ALDH1L1: variants seen among roughly 807,000 people sequenced by gnomAD.
The protein encoded by ALDH1L1 is aldehyde dehydrogenase 1 family member L1.
A neutral mutation model predicts 101.1 loss-of-function variants in ALDH1L1; 68 were observed. The ratio of observed to expected loss-of-function variants is 0.67; its 90% CI spans 0.55 to 0.82. The LOEUF is 0.82. ALDH1L1 is among the 40% of genes least tolerant of loss of function. The probability of loss-of-function intolerance (pLI) is 0.00; values close to 1 mark genes in which losing one functional copy is unlikely to be tolerated. For synonymous variants in ALDH1L1, 486 were observed against 470.8 expected, an observed-to-expected ratio of 1.03 and a Z score of -0.42; for missense variants, 1,087 against 1,172.7, an observed-to-expected ratio of 0.93 and a Z score of 1.07.
At chr3:126,106,933 C>A (rs1945894817) in intron 21 of ALDH1L1, among the ~76,000 whole-genome samples, 1 of 152,220 alleles carries the variant, frequency 6.6e-6, no homozygotes, top group Non-Finnish European at 1.5e-5. Context: ...CCTTTGCTCA[C>A]AGGGGGGACT....
At chr3:126,125,536 C>G (rs2080163940) in intron 15 of ALDH1L1, 80 bp downstream of exon 15, 1 of 1,168,040 alleles carries the variant, frequency 8.6e-7, no homozygotes, top group Non-Finnish European at 1.1e-6. Context: ...AAGAGAGGCC[C>G]TTCCCTTCCT....
chr3:126,161,434 C>T (rs1040987367), intron 1 of ALDH1L1, among the ~76,000 whole-genome samples: 1 of 152,200 alleles, frequency 6.6e-6, no homozygotes, highest in African/African-American at 2.4e-5. Context: ...ACAAATTAGG[C>T]TTATTCCTCT....
In ALDH1L1 at chr3:126,130,234, C is replaced by T; in HGVS notation, c.1683G>A (p.Lys561=). The change falls in exon 14 of 23, where the codon AAG becomes AAA. Residue 561 remains lysine, a synonymous_variant. Transcript: ENST00000393434. ...RPNRNLTLTR[K]EPVGVCGIII... is the part of the protein sequence containing the mutation. ...GGGCAGGAACTCACCCAACAGGCTC[C>T]TTCCTGGTCAAGGTCAGGTTGCGGT... is the stretch of plus-strand genomic sequence containing the variant. 1 of 1,609,408 alleles carries T rather than the reference C, an allele frequency of 6.2e-7. No individual in the cohort carries two copies. The highest frequency in any genetic ancestry group is 1.1e-5 in the South Asian group (1 of 90,148).
At chr3:126,193,945 G>C (rs1003489748) in intron 1 of ALDH1L1, among the ~76,000 whole-genome samples, 1 of 152,058 alleles carries the variant, frequency 6.6e-6, no homozygotes, top group African/African-American at 2.4e-5. Flanking sequence ...TGATTCTAAA[G>C]TTATTAGAAA....
At chr3:126,103,995 A>G in intron 22 of ALDH1L1, 149 bp from the exon 23 acceptor site, 1 of 815,112 alleles carries the variant, frequency 1.2e-6, no homozygotes, top group African/African-American at 1.7e-5. Context: ...CGAGGTCATG[A>G]ATCTTACCCA....
At chr3:126,113,889 T>C (rs1239482438) in intron 18 of ALDH1L1, among the ~76,000 whole-genome samples, 5 of 152,202 alleles carry the variant, frequency 3.3e-5, no homozygotes, top group African/African-American at 1.2e-4. Flanking sequence ...CCTTCAGACA[T>C]ATTCATTCTG....
intron 12 of ALDH1L1, among the ~76,000 whole-genome samples, chr3:126,132,748 C>T (rs995815446): frequency 1.1e-4 from 17 of 152,284 alleles, no homozygotes; most frequent in African/African-American, 4.1e-4. Flanking sequence ...CTTCACTCCC[C>T]CACCACTACA....
intron 16 of ALDH1L1, among the ~76,000 whole-genome samples, chr3:126,120,671 T>C (rs1343235626): frequency 6.6e-6 from 1 of 152,142 alleles, no homozygotes; most frequent in African/African-American, 2.4e-5. Context: ...TGGATATTAG[T>C]AGTGGAGGGC....
chr3:126,165,409 T>A (rs1193423345), intron 1 of ALDH1L1, among the ~76,000 whole-genome samples: 1 of 152,184 alleles, frequency 6.6e-6, no homozygotes, highest in African/African-American at 2.4e-5. Flanking sequence ...TCTGCCAGAT[T>A]TTGGTATTAG....
intron 14 of ALDH1L1, chr3:126,128,322 G>C (rs372365731): frequency 6.6e-6 from 1 of 152,088 alleles, no homozygotes; most frequent in Non-Finnish European, 1.5e-5. Flanking sequence ...CCTTCACCTG[G>C]CCCTCCTAAC....
chr3:126,122,101 A>G (rs567537116), intron 16 of ALDH1L1, among the ~76,000 whole-genome samples: 2 of 152,336 alleles, frequency 1.3e-5, no homozygotes, highest in East Asian at 3.9e-4. Context: ...CTGTGTTTCA[A>G]AAAGCAGAGG....
At chr3:126,134,759 C>A (rs556465693) in intron 12 of ALDH1L1, among the ~76,000 whole-genome samples, 1 of 152,212 alleles carries the variant, frequency 6.6e-6, no homozygotes, top group African/African-American at 2.4e-5. Flanking sequence ...GTTGGGACCA[C>A]GCCATAACTT....
intron 1 of ALDH1L1, among the ~76,000 whole-genome samples, chr3:126,188,560 T>G (rs2081534526): frequency 1.3e-5 from 2 of 152,194 alleles, no homozygotes; most frequent in South Asian, 4.1e-4. Context: ...AACCCCTTCC[T>G]TTTGGTCAGG....
intron 1 of ALDH1L1, among the ~76,000 whole-genome samples, chr3:126,189,683 G>T (rs1363662505): frequency 2.0e-5 from 3 of 152,178 alleles, no homozygotes; most frequent in Admixed American, 1.3e-4. Flanking sequence ...CTTTTATCTG[G>T]TGAGAATATA....
intron 17 of ALDH1L1, among the ~76,000 whole-genome samples, chr3:126,117,327 ATAT>A (rs1364107069): frequency 1.3e-4 from 20 of 152,132 alleles, no homozygotes; most frequent in African/African-American, 4.8e-4. Flanking sequence ...CTAATCAAGA[ATAT>A]TATCATTTCA....
At chr3:126,121,085 T>C (rs2108210908) in intron 16 of ALDH1L1, among the ~76,000 whole-genome samples, 1 of 152,224 alleles carries the variant, frequency 6.6e-6, no homozygotes, top group East Asian at 1.9e-4. Context: ...CTTATAAAAA[T>C]GGGAGATTTG....
chr3:126,196,743 A>G (rs2081583836), intron 1 of ALDH1L1, among the ~76,000 whole-genome samples: 1 of 152,206 alleles, frequency 6.6e-6, no homozygotes, highest in East Asian at 1.9e-4. Context: ...GGGAAGCTAG[A>G]GGTTGTTCAT....
At chr3:126,195,020 A>T (rs2081574399) in intron 1 of ALDH1L1, among the ~76,000 whole-genome samples, 1 of 151,618 alleles carries the variant, frequency 6.6e-6, no homozygotes, top group African/African-American at 2.4e-5. Context: ...TTTAGGACAA[A>T]AATTTACCAT....
chr3:126,137,142 TCAGA>T (rs1043332839), intron 10 of ALDH1L1, among the ~76,000 whole-genome samples: 1 of 151,924 alleles, frequency 6.6e-6, no homozygotes, highest in African/African-American at 2.4e-5. Flanking sequence ...CTAAGAGGAC[TCAGA>T]CAGAGGAAAA....
Sources: allele counts gnomAD v4.1 joint callset (sites outside exome capture counted in the v4.1 genomes callset), GRCh38; gene constraint gnomAD v4.1.1; transcripts MANE v1.5; gene names NCBI Gene and HGNC (gene_info 2026-07-23, HGNC 2026-07-21).